DHX40: variants seen among roughly 807,000 people sequenced by gnomAD.
DHX40 encodes the protein DEAH-box helicase 40.
Under a neutral mutation model 89.6 loss-of-function variants are expected in DHX40, and 28 were observed. The ratio of observed to expected loss-of-function variants is 0.31; its 90% confidence interval spans 0.23 to 0.43. DHX40 has a LOEUF of 0.43. Among genes scored for constraint, DHX40 ranks in the 20% least tolerant of loss-of-function variants. DHX40 has a pLI of 1.00. For synonymous variants in DHX40, 226 were observed against 283.6 expected (o/e 0.80, Z 2.04); for missense variants, 457 against 844.0 (o/e 0.54, Z 5.68).
At chr17:59,577,673 C>A (rs1363569600) in intron 8 of DHX40, among the ~76,000 whole-genome samples, 1 of 151,704 alleles carries the variant, frequency 6.6e-6, no homozygotes, top group Non-Finnish European at 1.5e-5. Flanking sequence ...ACACTACAGC[C>A]TTGTATGGAG....
rs767794218 is a variant in DHX40, at chr17:59,577,201, C to A, written c.974-65C>A. 8.7e-6 allele frequency: 12 copies of A among 1,378,452 alleles called. No homozygotes were observed. The African/African-American group carries it at 1.4e-4, about 16-fold the overall frequency. The allele number at this position is 1,378,452 out of a possible 1,614,324, so 85.4% of individuals were successfully genotyped here. A position where few individuals can be genotyped will look rare whatever the true frequency, so the allele number is the denominator to read the frequency against. On this transcript the variant is annotated intron_variant, in intron 7 of 17. Coordinates refer to ENST00000251241, the MANE Select transcript of DHX40 (RefSeq NM_024612.5). Reference sequence around the variant, plus strand: ...ATGACTTGTAATGAAAAATTAAGTTCTTCAAAACTCGAGTTTGACACATGC... The same window carrying A: ...ATGACTTGTAATGAAAAATTAAGTTATTCAAAACTCGAGTTTGACACATGC...
rs1370754881 is a variant in DHX40, at chr17:59,602,507, A to G, written c.1807-15A>G. The G allele has an allele frequency of 2.5e-6, 4 of 1,597,718 alleles. No homozygotes were observed. Among genetic ancestry groups the G allele is most frequent in the East Asian group, 2.2e-5 (1 of 44,730 alleles). ...TACTATGAGATTTACCACTCTCTACATATTCTTTTTATAGCAAAGTGATTT... is the reference window on the plus strand; with the variant it reads ...TACTATGAGATTTACCACTCTCTACGTATTCTTTTTATAGCAAAGTGATTT... On this transcript the variant is annotated splice_polypyrimidine_tract_variant and intron_variant, in intron 14 of 17. Coordinates refer to ENST00000251241, the MANE Select transcript of DHX40 (RefSeq NM_024612.5).
intron 2 of DHX40, among the ~76,000 whole-genome samples, chr17:59,569,880 T>C (rs2048767858): frequency 6.9e-6 from 1 of 145,694 alleles, no homozygotes; most frequent in South Asian, 2.1e-4. Context: ...AACCCGTCTC[T>C]GCTAAAATAC....
intron 17 of DHX40, among the ~76,000 whole-genome samples, chr17:59,606,762 A>C (rs1021562801): frequency 2.0e-5 from 3 of 151,572 alleles, no homozygotes; most frequent in Non-Finnish European, 4.4e-5. Context: ...AAAAAAAAAA[A>C]GAAAAGAAAT....
At chr17:59,588,201 G>A (rs1489444984) in intron 12 of DHX40, 148 bp downstream of exon 12, 97 of 422,200 alleles carry the variant, frequency 2.3e-4, no homozygotes, top group Non-Finnish European at 3.7e-4. Flanking sequence ...TACCAACATG[G>A]TAAAACCCCA....
chr17:59,608,330 T>A lies in DHX40; in HGVS notation c.*1158T>A, dbSNP rs1378350099. On this transcript the variant is annotated 3_prime_UTR_variant, in exon 18 of 18. Transcript: ENST00000251241. ...TGTTTGTTAAATAAAGCTATTAGTG[T>A]CATTAAAATTCAAAAGACAGTATAA... The A allele has an allele frequency of 1.3e-5, 2 of 152,648 alleles. No homozygotes were observed. Among genetic ancestry groups the A allele is most frequent in the Non-Finnish European group, 2.9e-5 (2 of 68,034 alleles). The allele number at this position is 152,648 out of a possible 1,614,324, so 9.5% of individuals were successfully genotyped here.
intron 16 of DHX40, 79 bp downstream of exon 16, chr17:59,605,263 T>A: frequency 6.9e-7 from 1 of 1,452,336 alleles, no homozygotes; most frequent in Non-Finnish European, 9.6e-7. Flanking sequence ...CTTCTACTTT[T>A]CACTTTGGAG....
At position 59,605,128 on chromosome 17, in the gene DHX40, A is replaced by T. The variant is rs1303693959; in HGVS notation, c.1915A>T (p.Thr639Ser). 4 of 1,613,970 alleles carry T rather than the reference A, an allele frequency of 2.5e-6. No individual in the cohort carries two copies. The highest frequency in any genetic ancestry group is 3.4e-6 in the Non-Finnish European group (4 of 1,179,988). ...TTCTGTTTATAGATCTGTTGGGAGA[A>T]CGTTTTGCACAATGGATGGTCGTGG... ...KNVARRSVGRTFCTMDGRGSP... is the reference protein window; with the variant it reads ...KNVARRSVGRSFCTMDGRGSP... Residue 639 changes from threonine to serine, a missense_variant, in exon 16 of 18, where the codon ACG becomes TCG. Coordinates refer to ENST00000251241, the MANE Select transcript of DHX40 (RefSeq NM_024612.5).
chr17:59,569,138 GGC>G (rs2048750881), intron 2 of DHX40, among the ~76,000 whole-genome samples: 1 of 152,046 alleles, frequency 6.6e-6, no homozygotes, highest in Admixed American at 6.6e-5. Context: ...CGACCAGCCT[GGC>G]CAACATGGTG....
chr17:59,607,325 G>T lies in DHX40; in HGVS notation c.*153G>T. The T allele has an allele frequency of 1.4e-6, 2 of 1,471,792 alleles. No homozygotes were observed. Among genetic ancestry groups the T allele is most frequent in the South Asian group, 2.4e-5 (2 of 84,340 alleles). 91.2% of individuals were successfully genotyped at this position (1,471,792 alleles called of 1,614,324 possible). A position where few individuals can be genotyped will look rare whatever the true frequency, so the allele number is the denominator to read the frequency against. ...AGCAAATCAAAGCTCATAAATCAAA[G>T]CTCATCAGTTCCCATAAATGCAGTT... On this transcript the variant is annotated 3_prime_UTR_variant, in exon 18 of 18. Coordinates refer to ENST00000251241, the MANE Select transcript of DHX40 (RefSeq NM_024612.5).
intron 10 of DHX40, among the ~76,000 whole-genome samples, chr17:59,580,875 A>G: frequency 1.3e-5 from 2 of 151,248 alleles, no homozygotes; most frequent in South Asian, 2.1e-4. Context: ...TGAGGCCAGG[A>G]GTTTGAGACC....
At chr17:59,572,464 C>T (rs72839075) in intron 3 of DHX40, among the ~76,000 whole-genome samples, 17,585 of 152,114 alleles carry the variant, frequency 0.12, 1,318 homozygotes, top group Middle Eastern at 0.2. Context: ...CTGCAATCTC[C>T]GCCTCTCAGG....
intron 14 of DHX40, among the ~76,000 whole-genome samples, chr17:59,601,398 TTC>T: frequency 6.6e-6 from 1 of 152,264 alleles, no homozygotes; most frequent in Admixed American, 6.5e-5. Flanking sequence ...TATGAGTGTT[TTC>T]TGTTTGCCTT....
chr17:59,581,030 C>T (rs1598152101), intron 10 of DHX40, among the ~76,000 whole-genome samples: 2 of 150,180 alleles, frequency 1.3e-5, no homozygotes, highest in African/African-American at 5.0e-5. Context: ...TGCAACGTGC[C>T]AAGATCACAC....
chr17:59,595,479 T>C (rs565046374), intron 12 of DHX40, among the ~76,000 whole-genome samples: 3 of 150,546 alleles, frequency 2.0e-5, no homozygotes, highest in African/African-American at 7.3e-5. Flanking sequence ...ACCAAAAAAA[T>C]TAAGAAAAAG....
intron 1 of DHX40, among the ~76,000 whole-genome samples, chr17:59,566,284 A>G (rs1040182528): frequency 5.3e-5 from 8 of 152,208 alleles, no homozygotes; most frequent in African/African-American, 1.9e-4. Flanking sequence ...GCTGTGTTCC[A>G]GTTTTTGGTC....
At chr17:59,575,499 G>A (rs770315273) in intron 7 of DHX40, 28 bp downstream of exon 7, 2 of 1,606,458 alleles carry the variant, frequency 1.2e-6, no homozygotes, top group South Asian at 2.2e-5. Flanking sequence ...TAGAAAATTT[G>A]ATTTTTTAAA....
intron 14 of DHX40, among the ~76,000 whole-genome samples, chr17:59,601,765 T>C (rs2143359273): frequency 6.6e-6 from 1 of 152,318 alleles, no homozygotes; most frequent in South Asian, 2.1e-4. Context: ...TTTTGTGTTC[T>C]AGTTACTTGG....
At chr17:59,566,403 T>C (rs2048705639) in intron 1 of DHX40, among the ~76,000 whole-genome samples, 1 of 152,224 alleles carries the variant, frequency 6.6e-6, no homozygotes, top group Admixed American at 6.5e-5. Flanking sequence ...CGTGAACAAA[T>C]GCTCAAGTTG....
Sources: allele counts gnomAD v4.1 joint callset (sites outside exome capture counted in the v4.1 genomes callset), GRCh38; gene constraint gnomAD v4.1.1; transcripts MANE v1.5; gene names NCBI Gene and HGNC (gene_info 2026-07-23, HGNC 2026-07-21).